Variants in FGF10 observed in about 807,000 individuals in gnomAD.
The protein encoded by FGF10 is FGF-10.
FGF10 carries 2 observed loss-of-function variants against 19.8 expected under a neutral mutation model. The observed-to-expected ratio is 0.10, with a 90% confidence interval of 0.04 to 0.32. FGF10 has a LOEUF of 0.32. FGF10 is among the 10% of genes least tolerant of loss of function. The pLI, the probability that FGF10 is intolerant of heterozygous loss-of-function variation, is 1.00. For missense variants in FGF10, 191 were observed against 246.3 expected (o/e 0.78, Z 1.50); for synonymous variants, 112 against 94.0 (o/e 1.19, Z -1.10).
At chr5:44,307,579 A>G (rs1033396260) in intron 2 of FGF10, among the ~76,000 whole-genome samples, 1 of 152,186 alleles carries the variant, frequency 6.6e-6, no homozygotes, top group Non-Finnish European at 1.5e-5. Context: ...ATAATTCAAG[A>G]GAATAGATAT....
At chr5:44,375,287 T>C (rs1352894668) in intron 1 of FGF10, among the ~76,000 whole-genome samples, 2 of 152,196 alleles carry the variant, frequency 1.3e-5, no homozygotes, top group Non-Finnish European at 2.9e-5. Flanking sequence ...AAGTGTGGTA[T>C]TGCATTATAA....
intron 1 of FGF10, 119 bp downstream of exon 1, chr5:44,388,239 C>A: frequency 1.1e-6 from 1 of 931,684 alleles, no homozygotes; most frequent in South Asian, 1.3e-5. Context: ...TCCACTTAAT[C>A]ATTTTACAGG....
chr5:44,377,189 T>A (rs1275239994), intron 1 of FGF10, among the ~76,000 whole-genome samples: 1 of 152,234 alleles, frequency 6.6e-6, no homozygotes, highest in Non-Finnish European at 1.5e-5. Context: ...ATCCTCAGTG[T>A]GACCTCCTGA....
chr5:44,343,345 C>T (rs1253474204), intron 1 of FGF10, among the ~76,000 whole-genome samples: 1 of 151,930 alleles, frequency 6.6e-6, no homozygotes, highest in Non-Finnish European at 1.5e-5. Flanking sequence ...TATAGCTCAA[C>T]CATAGGAAAT....
intron 1 of FGF10, among the ~76,000 whole-genome samples, chr5:44,359,945 T>C (rs886639754): frequency 1.3e-5 from 2 of 151,560 alleles, no homozygotes; most frequent in African/African-American, 4.8e-5. Flanking sequence ...GGGTTAGTCC[T>C]GTGATTGTTT....
intron 1 of FGF10, among the ~76,000 whole-genome samples, chr5:44,340,097 G>A (rs1369648304): frequency 3.3e-5 from 5 of 151,942 alleles, no homozygotes; most frequent in Non-Finnish European, 5.9e-5. Context: ...TTTCCATTTC[G>A]CACACATCTA....
At chr5:44,383,287 T>A (rs1286587278) in intron 1 of FGF10, among the ~76,000 whole-genome samples, 1 of 151,950 alleles carries the variant, frequency 6.6e-6, no homozygotes, top group Non-Finnish European at 1.5e-5. Context: ...TCTAAAGAAA[T>A]GCACTGGAAT....
At chr5:44,349,451 TATATATATATATATATATCAGA>T (rs1213848914) in intron 1 of FGF10, among the ~76,000 whole-genome samples, 811 of 16,436 alleles carry the variant, frequency 0.049, 5 homozygotes, top group Non-Finnish European at 0.059. Context: ...TATATATATA[TATATATATATATATATATCAGA>T]ATATATATAT....
chr5:44,307,903 A>G (rs551765511), intron 2 of FGF10, among the ~76,000 whole-genome samples: 67 of 152,334 alleles, frequency 4.4e-4, no homozygotes, highest in African/African-American at 1.6e-3. Flanking sequence ...TCTTTCTGAG[A>G]CAGGCTGGAA....
intron 1 of FGF10, among the ~76,000 whole-genome samples, chr5:44,335,258 T>C (rs559639863): frequency 6.6e-5 from 10 of 152,186 alleles, no homozygotes; most frequent in African/African-American, 2.4e-4. Context: ...CTTTTCTTAA[T>C]GGTGAGAAGA....
intron 1 of FGF10, among the ~76,000 whole-genome samples, chr5:44,381,254 C>T (rs576449888): frequency 2.6e-5 from 4 of 151,906 alleles, no homozygotes; most frequent in East Asian, 3.9e-4. Flanking sequence ...ACTGCAGAAT[C>T]GAAATGAGAA....
intron 1 of FGF10, among the ~76,000 whole-genome samples, chr5:44,352,136 C>T (rs1561211382): frequency 6.6e-6 from 1 of 151,472 alleles, no homozygotes; most frequent in Non-Finnish European, 1.5e-5. Flanking sequence ...CATGGGTGAC[C>T]ATCATTCAGC....
At chr5:44,360,136 A>G (rs1388582026) in intron 1 of FGF10, among the ~76,000 whole-genome samples, 1 of 151,558 alleles carries the variant, frequency 6.6e-6, no homozygotes, top group African/African-American at 2.4e-5. Flanking sequence ...TTCATGGAAT[A>G]GCTTTTGCCA....
chr5:44,353,232 A>T (rs1437551715), intron 1 of FGF10, among the ~76,000 whole-genome samples: 2 of 151,668 alleles, frequency 1.3e-5, no homozygotes, highest in African/African-American at 4.8e-5. Context: ...GTAAGAATCC[A>T]GTGCCAGGAT....
In FGF10 at chr5:44,388,770, C is replaced by G. The variant is rs766898621; in HGVS notation, c.-88G>C. 44 of 1,395,176 alleles carry G rather than the reference C, an allele frequency of 3.2e-5. No homozygotes were observed. Among genetic ancestry groups the G allele is most frequent in the Non-Finnish European group, 4.4e-5 (44 of 994,250 alleles). 86.4% of individuals were successfully genotyped at this position (1,395,176 alleles called of 1,614,324 possible). On this transcript the variant is annotated 5_prime_UTR_variant, in exon 1 of 3. Coordinates refer to ENST00000264664, the MANE Select transcript of FGF10 (RefSeq NM_004465.2). ...CCCGATGCAAGGCAAGGAGAGAGCTCGAGGTGGTGGCTGCTGGTTAGCTCC... is the reference window on the plus strand; with the variant it reads ...CCCGATGCAAGGCAAGGAGAGAGCTGGAGGTGGTGGCTGCTGGTTAGCTCC...
chr5:44,363,220 A>T (rs1741530855), intron 1 of FGF10, among the ~76,000 whole-genome samples: 1 of 151,774 alleles, frequency 6.6e-6, no homozygotes, highest in African/African-American at 2.4e-5. Flanking sequence ...TACAGTTTTC[A>T]ACTTGCAATA....
chr5:44,319,301 A>G (rs998246234), intron 1 of FGF10, among the ~76,000 whole-genome samples: 16 of 152,184 alleles, frequency 1.1e-4, no homozygotes, highest in Middle Eastern at 3.2e-3. Flanking sequence ...TAATATAGAC[A>G]TTTACCCTAA....
chr5:44,356,519 A>G lies in FGF10; in HGVS notation c.325+31839T>C, dbSNP rs1741351480. Among the ~76,000 whole-genome samples, 5 of 151,532 alleles carry G rather than the reference A, an allele frequency of 3.3e-5. No homozygotes were observed. The South Asian group carries it at 1.0e-3, about 31-fold the overall frequency. On this transcript the variant is annotated intron_variant, in intron 1 of 2. Transcript: ENST00000264664. ...ATCTTGTCTTCTTTGGAGAGTAATAATGTAAACAAAATGAGCTCTTTACTG... is the reference window on the plus strand; with the variant it reads ...ATCTTGTCTTCTTTGGAGAGTAATAGTGTAAACAAAATGAGCTCTTTACTG...
chr5:44,362,510 A>G (rs1239596812), intron 1 of FGF10, among the ~76,000 whole-genome samples: 2 of 151,686 alleles, frequency 1.3e-5, no homozygotes, highest in Non-Finnish European at 3.0e-5. Flanking sequence ...AAAGCAACTT[A>G]CTATATTTCC....
Sources: allele counts gnomAD v4.1 joint callset (sites outside exome capture counted in the v4.1 genomes callset), GRCh38; gene constraint gnomAD v4.1.1; transcripts MANE v1.5; gene names NCBI Gene and HGNC (gene_info 2026-07-23, HGNC 2026-07-21).